Variants in VGLL3 observed in about 807,000 individuals in gnomAD.
VGLL3 encodes vestigial like family member 3, also known as transcription cofactor vestigial-like protein 3.
In VGLL3, 18 loss-of-function variants were observed where a neutral mutation model predicts 29.2. The ratio of observed to expected loss-of-function variants is 0.62; its 90% confidence interval spans 0.43 to 0.91. The LOEUF (loss-of-function observed/expected upper bound fraction) is 0.91, where lower values mean the gene tolerates loss of function less well. Among genes scored for constraint, VGLL3 ranks in the 40% least tolerant of loss-of-function variants. VGLL3 has a pLI of 0.00. For synonymous variants in VGLL3, 180 were observed against 151.8 expected, an observed-to-expected ratio of 1.19 and a Z score of -1.36; for missense variants, 440 against 413.2, an observed-to-expected ratio of 1.06 and a Z score of -0.56.
At chr3:86,983,249 T>A (rs976057887) in intron 1 of VGLL3, among the ~76,000 whole-genome samples, 5 of 152,220 alleles carry the variant, frequency 3.3e-5, no homozygotes, top group Admixed American at 6.5e-5. Flanking sequence ...GCTATCTTTT[T>A]AAAATACAAT....
At chr3:86,956,028 CAAGAA>C (rs528951679) in intron 3 of VGLL3, among the ~76,000 whole-genome samples, 106 of 152,210 alleles carry the variant, frequency 7.0e-4, no homozygotes, top group African/African-American at 2.5e-3. Flanking sequence ...ATAAAGAGAA[CAAGAA>C]AAGAATAGTT....
At position 86,991,044 on chromosome 3, in the gene VGLL3, G is replaced by T. The variant is rs1404892991; in HGVS notation, c.-301C>A. 1.5e-6 allele frequency: 1 copy of T among 658,182 alleles called. No individual in the cohort carries two copies. Among genetic ancestry groups the T allele is most frequent in the Non-Finnish European group, 1.9e-6 (1 of 527,600 alleles). 40.8% of individuals were successfully genotyped at this position (658,182 alleles called of 1,614,324 possible). A position where few individuals can be genotyped will look rare whatever the true frequency, so the allele number is the denominator to read the frequency against. On this transcript the variant is annotated 5_prime_UTR_variant, in exon 1 of 4. Transcript: ENST00000398399. ...CGCTGCGCCGCTGGGGCATTACCGC[G>T]TCCGGCTCCCGCGAGGGCTGCGGCG...
chr3:86,974,210 C>T (rs1188742009), intron 2 of VGLL3, among the ~76,000 whole-genome samples: 8 of 151,776 alleles, frequency 5.3e-5, no homozygotes, highest in East Asian at 3.9e-4. Context: ...CTCCACCTCC[C>T]GGGTTCAAGC....
At chr3:86,949,795 C>T (rs1004942906) in intron 3 of VGLL3, among the ~76,000 whole-genome samples, 1 of 147,830 alleles carries the variant, frequency 6.8e-6, no homozygotes, top group East Asian at 2.0e-4. Context: ...CCACTGCACT[C>T]CAGCCTGGGT....
intron 3 of VGLL3, among the ~76,000 whole-genome samples, chr3:86,955,443 G>T (rs1704701551): frequency 6.8e-6 from 1 of 148,084 alleles, no homozygotes; most frequent in South Asian, 2.1e-4. Context: ...AGGCTGGAGT[G>T]CAATGGTACC....
intron 3 of VGLL3, chr3:86,962,508 A>G: frequency 1.0e-6 from 1 of 985,402 alleles, no homozygotes; most frequent in Non-Finnish European, 1.2e-6. Context: ...ACTCTACTAT[A>G]ATATGTTGTA....
At chr3:86,961,286 A>T (rs1423801046) in intron 3 of VGLL3, among the ~76,000 whole-genome samples, 1 of 152,144 alleles carries the variant, frequency 6.6e-6, no homozygotes, top group African/African-American at 2.4e-5. Flanking sequence ...AGTGGAAATT[A>T]TGAAAGTCAA....
chr3:86,964,725 T>C (rs1251421170), intron 3 of VGLL3, among the ~76,000 whole-genome samples: 1 of 152,160 alleles, frequency 6.6e-6, no homozygotes, highest in Non-Finnish European at 1.5e-5. Flanking sequence ...AGACATCAAA[T>C]CTTTTAGAAC....
At chr3:86,988,013 G>GA (rs1217209703) in intron 1 of VGLL3, among the ~76,000 whole-genome samples, 1 of 152,024 alleles carries the variant, frequency 6.6e-6, no homozygotes, top group East Asian at 1.9e-4. Context: ...TTGTTAAGAG[G>GA]AAAAATATAC....
Position 86,990,860 on chromosome 3 carries a change from T to C in VGLL3, c.-117A>G. On this transcript the variant is annotated 5_prime_UTR_variant, in exon 1 of 4. Transcript: ENST00000398399. Reference sequence around the variant, plus strand: ...CCTCTGTCGCTGCTCCAGCTGCTACTGCGGCGAAGGCGGGTCCTCGGCGGC... The same window carrying C: ...CCTCTGTCGCTGCTCCAGCTGCTACCGCGGCGAAGGCGGGTCCTCGGCGGC... 1 of 1,160,848 alleles carries C rather than the reference T, an allele frequency of 8.6e-7. No individual in the cohort carries two copies. The highest frequency in any genetic ancestry group is 1.1e-6 in the Non-Finnish European group (1 of 934,656). The allele number at this position is 1,160,848 out of a possible 1,614,324, so 71.9% of individuals were successfully genotyped here.
At chr3:86,947,096 A>G (rs780139214) in intron 3 of VGLL3, 29 bp from the exon 4 acceptor site, 6 of 780,120 alleles carry the variant, frequency 7.7e-6, no homozygotes, top group African/African-American at 1.7e-5. Flanking sequence ...GGGAAAAAAT[A>G]AAGAACATTA....
chr3:86,938,686 A>G lies in VGLL3; in HGVS notation c.*8338T>C, dbSNP rs1302060416. 6.6e-6 allele frequency: 1 copy of G among 152,206 alleles called. No individual in the cohort carries two copies. Among genetic ancestry groups the G allele is most frequent in the East Asian group, 1.9e-4 (1 of 5,192 alleles). 9.4% of individuals were successfully genotyped at this position (152,206 alleles called of 1,614,324 possible). A position where few individuals can be genotyped will look rare whatever the true frequency, so the allele number is the denominator to read the frequency against. On this transcript the variant is annotated 3_prime_UTR_variant, in exon 4 of 4. Transcript: ENST00000398399. The stretch of plus-strand genomic sequence containing the variant: ...TTATTGATCAGCAGCATTCCAGAGT[A>G]TGGATACCTTCTTTACACATTAAAT...
At chr3:86,970,724 T>C (rs1040615160) in intron 2 of VGLL3, among the ~76,000 whole-genome samples, 1 of 152,082 alleles carries the variant, frequency 6.6e-6, no homozygotes, top group South Asian at 2.1e-4. Context: ...TCAAATCCGT[T>C]TGTGGAAAGA....
chr3:86,965,128 G>T (rs1704932233), intron 3 of VGLL3, among the ~76,000 whole-genome samples: 1 of 150,808 alleles, frequency 6.6e-6, no homozygotes, highest in African/African-American at 2.4e-5. Context: ...CTGCACTCCA[G>T]CCTGGGCAAC....
chr3:86,962,264 A>C (rs1276227532), intron 3 of VGLL3: 2 of 985,346 alleles, frequency 2.0e-6, no homozygotes, highest in Admixed American at 1.2e-4. Context: ...CAGAGGGAGC[A>C]AAAAGTAAGA....
chr3:86,950,150 C>T (rs910580852), intron 3 of VGLL3, among the ~76,000 whole-genome samples: 7 of 152,132 alleles, frequency 4.6e-5, no homozygotes, highest in African/African-American at 1.2e-4. Flanking sequence ...CTGAGATTTC[C>T]CCACTGGCTG....
intron 3 of VGLL3, among the ~76,000 whole-genome samples, chr3:86,963,436 G>A (rs893750098): frequency 1.3e-5 from 2 of 152,140 alleles, no homozygotes; most frequent in East Asian, 1.9e-4. Flanking sequence ...TAGCGGATAG[G>A]GAAAATTGGG....
Position 86,987,257 on chromosome 3 carries a change from A to C in VGLL3, c.126+3361T>G, listed in dbSNP as rs558826867. ...ACAAACCGAATTGCAGAACAATTTT[A>C]TGACTCAACCAACGTAGCAGAGTCC... On this transcript the variant is annotated intron_variant, in intron 1 of 3. Transcript: ENST00000398399. Among the ~76,000 whole-genome samples the C allele has an allele frequency of 2.6e-5, 4 of 152,296 alleles. No homozygotes were observed. In the East Asian group the frequency reaches 7.7e-4, roughly 29 times the overall value.
chr3:86,978,733 C>T lies in VGLL3; in HGVS notation c.196G>A (p.Glu66Lys), dbSNP rs1226189157. Residue 66 changes from glutamate (E) to lysine (K), a missense_variant, in exon 2 of 4, where the codon GAG becomes AAG. Coordinates refer to ENST00000398399, the MANE Select transcript of VGLL3 (RefSeq NM_016206.4). Reference protein sequence around the residue: ...EVTLPSKQEEEDEEEEEEEKD... With the variant: ...EVTLPSKQEEKDEEEEEEEKD... ...TCCTCCTCCTCCTCCTCCTCATCCT[C>T]CTCCTCTTGTTTGCTGGGAAGGGTG... 6.2e-7 allele frequency: 1 copy of T among 1,614,130 alleles called. No individual in the cohort carries two copies. The highest frequency in any genetic ancestry group is 8.5e-7 in the Non-Finnish European group (1 of 1,180,018).
Sources: allele counts gnomAD v4.1 joint callset (sites outside exome capture counted in the v4.1 genomes callset), GRCh38; gene constraint gnomAD v4.1.1; transcripts MANE v1.5; gene names NCBI Gene and HGNC (gene_info 2026-07-23, HGNC 2026-07-21).